ARHGAP17: variants seen among roughly 807,000 people sequenced by gnomAD.
ARHGAP17 encodes the protein Rho GTPase activating protein 17.
In ARHGAP17, 57 loss-of-function variants were observed where a neutral mutation model predicts 99.5. That is an observed-to-expected ratio of 0.57 (90% CI 0.46 to 0.71). The LOEUF is 0.71. ARHGAP17 is among the 30% of genes least tolerant of loss of function. The pLI is 0.00. For missense variants in ARHGAP17, 1,000 were observed against 1,122.4 expected, an observed-to-expected ratio of 0.89 and a Z score of 1.56; for synonymous variants, 417 against 429.6, an observed-to-expected ratio of 0.97 and a Z score of 0.36.
intron 10 of ARHGAP17, 120 bp downstream of exon 10, chr16:24,954,483 A>C: frequency 7.2e-7 from 1 of 1,396,576 alleles, no homozygotes; most frequent in Non-Finnish European, 9.6e-7. Context: ...GTTCTACACA[A>C]AACGGACAAT....
At chr16:24,982,980 A>ATTTTTATATATATATATATTTT (rs1254177400) in intron 1 of ARHGAP17, among the ~76,000 whole-genome samples, 1 of 16,874 alleles carries the variant, frequency 5.9e-5, no homozygotes, top group African/African-American at 2.3e-4. Flanking sequence ...ATATATATAT[A>ATTTTTATATATATATATATTTT]TATATATATA....
chr16:24,935,718 A>T, intron 17 of ARHGAP17, 79 bp from the exon 18 acceptor site: 1 of 1,464,510 alleles, frequency 6.8e-7, no homozygotes, highest in Non-Finnish European at 9.5e-7. Context: ...AAAACATAAG[A>T]TTCCAAGCAG....
intron 1 of ARHGAP17, among the ~76,000 whole-genome samples, chr16:25,005,552 T>G (rs2053482218): frequency 6.6e-6 from 1 of 152,224 alleles, no homozygotes; most frequent in Non-Finnish European, 1.5e-5. Context: ...TGTAGCTCTG[T>G]CTCCACATTC....
chr16:24,971,618 G>A (rs1174169960), intron 3 of ARHGAP17, among the ~76,000 whole-genome samples: 2 of 152,088 alleles, frequency 1.3e-5, no homozygotes, highest in Admixed American at 1.3e-4. Context: ...ATGAGCCACC[G>A]CACCCAGTCT....
In ARHGAP17 at chr16:24,963,299, TATA is replaced by T. The variant is rs2052069331; in HGVS notation, c.573+895_573+897del. On this transcript the variant is annotated intron_variant, in intron 7 of 19. Transcript: ENST00000289968. ...GAGTTTAGTTTTAATTTCTACCCACTATATTATTTTTATATTTTTCTTATATTT... is the reference window on the plus strand; with the variant it reads ...GAGTTTAGTTTTAATTTCTACCCACTTTATTTTTATATTTTTCTTATATTT... Among the ~76,000 whole-genome samples, 5 of 152,204 alleles carry T rather than the reference TATA, an allele frequency of 3.3e-5. No individual in the cohort carries two copies. The South Asian group carries it at 8.3e-4, about 25-fold the overall frequency.
intron 1 of ARHGAP17, among the ~76,000 whole-genome samples, chr16:24,988,246 T>C (rs1257832328): frequency 6.6e-6 from 1 of 152,192 alleles, no homozygotes; most frequent in Non-Finnish European, 1.5e-5. Context: ...AACGACTCTC[T>C]GAAACTTTAA....
chr16:24,984,454 CAGGAGATCGAG>C (rs1464418384), intron 1 of ARHGAP17, among the ~76,000 whole-genome samples: 1 of 151,898 alleles, frequency 6.6e-6, no homozygotes, highest in African/African-American at 2.4e-5. Flanking sequence ...ATCACGAGGT[CAGGAGATCGAG>C]ACCACGGTGA....
intron 1 of ARHGAP17, among the ~76,000 whole-genome samples, chr16:24,991,291 T>C (rs1200613636): frequency 2.0e-5 from 3 of 152,238 alleles, no homozygotes; most frequent in African/African-American, 4.8e-5. Flanking sequence ...CCATCTCATG[T>C]ACTTCATTTA....
rs781234090 is a variant in ARHGAP17 at position 24,931,124 on chromosome 16, C to T, written c.2175G>A (p.Leu725=). ...PPQPPTQATP[L]MHTKPNSQGP... ...CCTGGCTATTGGGTTTGGTGTGCAT[C>T]AGTGGCGTGGCCTGCGTAGGGGGCT... Residue 725 remains leucine (L), a synonymous_variant, in exon 19 of 20, where the codon CTG becomes CTA. Transcript: ENST00000289968. 11 of 1,606,548 alleles carry T rather than the reference C, an allele frequency of 6.8e-6. No homozygotes were observed. In the East Asian group the frequency reaches 8.9e-5, roughly 13 times the overall value.
intron 9 of ARHGAP17, among the ~76,000 whole-genome samples, chr16:24,959,159 A>G (rs1402186003): frequency 6.6e-6 from 1 of 152,228 alleles, no homozygotes; most frequent in Non-Finnish European, 1.5e-5. Context: ...GCTTAGTATA[A>G]AGACAAAGGA....
intron 3 of ARHGAP17, among the ~76,000 whole-genome samples, chr16:24,971,774 T>A (rs2141325502): frequency 6.6e-6 from 1 of 152,234 alleles, no homozygotes; most frequent in East Asian, 1.9e-4. Context: ...CAGCTGGCAA[T>A]GACCACAGAA....
intron 7 of ARHGAP17, among the ~76,000 whole-genome samples, chr16:24,961,911 T>TTAGGAATTTTATATATATATA (rs147868119): frequency 1.9e-4 from 25 of 130,020 alleles, no homozygotes; most frequent in East Asian, 1.1e-3. Flanking sequence ...CATAGGAATT[T>TTAGGAATTTTATATATATATA]TATATATATA....
chr16:24,984,296 G>A lies in ARHGAP17; in HGVS notation c.54-5291C>T, dbSNP rs112846824. ...CGTCCTCCTCCCTGCTAGACAGCAGGTTCCATGAGGGCAGAGAGAGAGCTC... is the reference window on the plus strand; with the variant it reads ...CGTCCTCCTCCCTGCTAGACAGCAGATTCCATGAGGGCAGAGAGAGAGCTC... On this transcript the variant is annotated intron_variant, in intron 1 of 19. Transcript: ENST00000289968. 3.7e-3 allele frequency among the ~76,000 whole-genome samples: 556 copies of A among 152,246 alleles called. 8 individuals are homozygous for A. Among genetic ancestry groups the A allele is most frequent in the African/African-American group, 0.013 (535 of 41,528 alleles).
intron 1 of ARHGAP17, among the ~76,000 whole-genome samples, chr16:24,980,840 C>G (rs760173116): frequency 7.2e-5 from 11 of 152,144 alleles, no homozygotes; most frequent in Non-Finnish European, 1.3e-4. Context: ...CTGGACAGGG[C>G]CCTGTATACC....
At position 24,939,613 on chromosome 16, in the gene ARHGAP17, A is replaced by G. The variant is rs766950266; in HGVS notation, c.1491-16T>C. 2.9e-5 allele frequency: 46 copies of G among 1,590,998 alleles called. No homozygotes were observed. The South Asian group carries it at 3.7e-4, about 13-fold the overall frequency. ...CACACCAAAGCTACACAGAGAGAAG[A>G]AACAGTCAACACACCATGCGAGCAG... On this transcript the variant is annotated splice_polypyrimidine_tract_variant and intron_variant, in intron 16 of 19. Coordinates refer to ENST00000289968, the MANE Select transcript of ARHGAP17 (RefSeq NM_001006634.3).
chr16:24,968,588 G>A, intron 5 of ARHGAP17, 73 bp downstream of exon 5: 2 of 1,553,372 alleles, frequency 1.3e-6, no homozygotes, highest in South Asian at 1.1e-5. Flanking sequence ...AGCAACTACT[G>A]TTAAAATTTT....
intron 19 of ARHGAP17, among the ~76,000 whole-genome samples, chr16:24,929,154 C>CTTT (rs77376064): frequency 7.1e-6 from 1 of 140,062 alleles, no homozygotes; most frequent in Non-Finnish European, 1.6e-5. Flanking sequence ...GAAGATATTC[C>CTTT]TTTTTTTTTT....
intron 7 of ARHGAP17, among the ~76,000 whole-genome samples, chr16:24,961,659 T>C (rs1055544214): frequency 6.6e-6 from 1 of 150,858 alleles, no homozygotes; most frequent in Admixed American, 6.6e-5. Context: ...GCCTCCTGAG[T>C]AGCTGGGACT....
At position 24,931,075 on chromosome 16, in the gene ARHGAP17, G is replaced by A; in HGVS notation, c.2224C>T (p.Pro742Ser). 6.2e-7 allele frequency: 1 copy of A among 1,606,088 alleles called. No homozygotes were observed. Among genetic ancestry groups the A allele is most frequent in the Non-Finnish European group, 8.5e-7 (1 of 1,176,146 alleles). Reference sequence around the variant, plus strand: ...GGCTGCTCAAGTCCATGCTCACTGGGCAATGCCATGGGGTTGGGAGGGCCC... The same window carrying A: ...GGCTGCTCAAGTCCATGCTCACTGGACAATGCCATGGGGTTGGGAGGGCCC... ...SQGPPNPMALPSEHGLEQPSH... is the reference protein window; with the variant it reads ...SQGPPNPMALSSEHGLEQPSH... The change falls in exon 19 of 20, where the codon CCC becomes TCC. Residue 742 changes from proline to serine, a missense_variant. By Grantham distance (74) the Pro-to-Ser change is moderately conservative. Coordinates refer to ENST00000289968, the MANE Select transcript of ARHGAP17 (RefSeq NM_001006634.3).
Sources: allele counts gnomAD v4.1 joint callset (sites outside exome capture counted in the v4.1 genomes callset), GRCh38; gene constraint gnomAD v4.1.1; transcripts MANE v1.5; gene names NCBI Gene and HGNC (gene_info 2026-07-23, HGNC 2026-07-21).